The following SEL1L variants were observed in gnomAD, a reference collection of about 807,000 sequenced individuals.
SEL1L encodes the protein protein sel-1 homolog 1.
In SEL1L, 52 loss-of-function variants were observed where a neutral mutation model predicts 109.8. That is an observed-to-expected ratio of 0.47 (90% CI 0.38 to 0.60). The LOEUF is 0.60. Ranked by LOEUF, SEL1L falls within the 20% of genes least tolerant of loss-of-function variation. The pLI, the probability that SEL1L is intolerant of heterozygous loss-of-function variation, is 0.00. For missense variants in SEL1L, 749 were observed against 962.2 expected (o/e 0.78, Z 2.93); for synonymous variants, 373 against 339.6 (o/e 1.10, Z -1.08).
rs1332571045 is a variant in SEL1L, at chr14:81,476,598, A to G, written c.*374T>C. 5.5e-6 allele frequency: 1 copy of G among 180,220 alleles called. No individual in the cohort carries two copies. Among genetic ancestry groups the G allele is most frequent in the Non-Finnish European group, 1.2e-5 (1 of 84,868 alleles). The allele number at this position is 180,220 out of a possible 1,614,324, so 11.2% of individuals were successfully genotyped here. On this transcript the variant is annotated 3_prime_UTR_variant, in exon 21 of 21. Coordinates refer to ENST00000336735, the MANE Select transcript of SEL1L (RefSeq NM_005065.6). ...GATCAGTTTTTAGTGTCGATGCACA[A>G]TACCTTAAAGATGGTTGACATTAAG...
chr14:81,533,310 C>T (rs1885407175), intron 1 of SEL1L, among the ~76,000 whole-genome samples: 1 of 152,172 alleles, frequency 6.6e-6, no homozygotes, highest in Non-Finnish European at 1.5e-5. Flanking sequence ...TTACAATTCC[C>T]AAGCCCAGAG....
At chr14:81,499,903 C>CTTTT (rs67769195) in intron 6 of SEL1L, among the ~76,000 whole-genome samples, 19 of 119,184 alleles carry the variant, frequency 1.6e-4, no homozygotes, top group Non-Finnish European at 2.3e-4. Context: ...TTATTTGTGG[C>CTTTT]TTTTTTTTTT....
At chr14:81,533,293 A>G (rs1885406486) in intron 1 of SEL1L, among the ~76,000 whole-genome samples, 1 of 152,134 alleles carries the variant, frequency 6.6e-6, no homozygotes, top group Non-Finnish European at 1.5e-5. Context: ...TTTGTCAATT[A>G]TTTAACTTAC....
intron 3 of SEL1L, among the ~76,000 whole-genome samples, chr14:81,517,939 C>CT (rs201565822): frequency 0.012 from 1,732 of 148,910 alleles, 13 homozygotes; most frequent in East Asian, 0.036. Flanking sequence ...ACTTCTTCTT[C>CT]TTTTTTTTTG....
chr14:81,526,108 A>C (rs1885101921), intron 3 of SEL1L, among the ~76,000 whole-genome samples: 1 of 152,186 alleles, frequency 6.6e-6, no homozygotes, highest in Admixed American at 6.5e-5. Context: ...GTGATCATTG[A>C]AATAATAAAT....
At position 81,479,632 on chromosome 14, in the gene SEL1L, G is replaced by C. The variant is rs541438404; in HGVS notation, c.2155C>G (p.Gln719Glu). The C allele has an allele frequency of 2.7e-5, 43 of 1,613,068 alleles. No individual in the cohort carries two copies. In the South Asian group the frequency reaches 2.9e-4, roughly 11 times the overall value. ...LCKLGVVYFL[Q>E]YIRETNIRDM... ...CTTACGTTTGTTTCCCGTATGTACT[G>C]CAAGAAATAGACGACGCCCAATTTG... The change falls in exon 20 of 21, where the codon CAG becomes GAG. Residue 719 changes from glutamine (Q) to glutamate (E), a missense_variant. Coordinates refer to ENST00000336735, the MANE Select transcript of SEL1L (RefSeq NM_005065.6).
In SEL1L at chr14:81,479,526, T is replaced by G. The variant is rs753700553; in HGVS notation, c.2175+86A>C. 57 of 1,396,624 alleles carry G rather than the reference T, an allele frequency of 4.1e-5. 1 individual carries two copies. Among genetic ancestry groups the G allele is most frequent in the Non-Finnish European group, 5.5e-5 (57 of 1,027,124 alleles). The allele number at this position is 1,396,624 out of a possible 1,614,324, so 86.5% of individuals were successfully genotyped here. ...CGATACCTGCAGGACCACTCTTCCC[T>G]GTGCTTCTCAACTTTTGAAAAACAA... On this transcript the variant is annotated intron_variant, in intron 20 of 20. Transcript: ENST00000336735.
chr14:81,515,624 T>G (rs1595529836), intron 3 of SEL1L, among the ~76,000 whole-genome samples: 1 of 152,182 alleles, frequency 6.6e-6, no homozygotes, highest in East Asian at 1.9e-4. Context: ...CCATGAATTA[T>G]TCAATGATGT....
rs547233156 is a variant in SEL1L at position 81,497,934 on chromosome 14, T to C, written c.1086A>G (p.Gln362=). 87 of 1,614,116 alleles carry C rather than the reference T, an allele frequency of 5.4e-5. No homozygotes were observed. The South Asian group carries it at 8.0e-4, about 15-fold the overall frequency. ...NSGMLEEDLI[Q]YYQFLAEKGD... ...CTTTTTCAGCTAGGAACTGGTAATA[T>C]TGAATCAAATCTTCTTCTAGCATTC... The change falls in exon 10 of 21, where the codon CAA becomes CAG. Residue 362 remains glutamine, a synonymous_variant. Coordinates refer to ENST00000336735, the MANE Select transcript of SEL1L (RefSeq NM_005065.6).
At chr14:81,513,963 A>G (rs1409402590) in intron 3 of SEL1L, among the ~76,000 whole-genome samples, 1 of 151,864 alleles carries the variant, frequency 6.6e-6, no homozygotes, top group African/African-American at 2.4e-5. Flanking sequence ...ATCTATCCTG[A>G]CCCTTGCTTC....
intron 11 of SEL1L, among the ~76,000 whole-genome samples, chr14:81,493,034 C>T (rs993410577): frequency 6.6e-6 from 1 of 152,196 alleles, no homozygotes; most frequent in Non-Finnish European, 1.5e-5. Context: ...ACTTAAAAAT[C>T]ACTTAAGTAA....
At chr14:81,531,539 T>G (rs1455202227) in intron 1 of SEL1L, among the ~76,000 whole-genome samples, 1 of 152,194 alleles carries the variant, frequency 6.6e-6, no homozygotes, top group Non-Finnish European at 1.5e-5. Context: ...ACAACTTTAT[T>G]TAACACAGGG....
At chr14:81,485,357 C>T (rs1903485837) in intron 18 of SEL1L, among the ~76,000 whole-genome samples, 1 of 152,114 alleles carries the variant, frequency 6.6e-6, no homozygotes, top group Admixed American at 6.5e-5. Flanking sequence ...CTCACTGTAA[C>T]CTCTGCCTCC....
At chr14:81,527,050 T>C in intron 2 of SEL1L, 86 bp from the exon 3 acceptor site, 2 of 927,704 alleles carry the variant, frequency 2.2e-6, no homozygotes, top group South Asian at 1.4e-5. Context: ...AATCCAGATA[T>C]CACATCTCCT....
intron 20 of SEL1L, among the ~76,000 whole-genome samples, chr14:81,477,661 A>G (rs1235318331): frequency 6.6e-6 from 1 of 152,068 alleles, no homozygotes; most frequent in Non-Finnish European, 1.5e-5. Flanking sequence ...AAAAATACAA[A>G]AATTAACCAG....
intron 3 of SEL1L, among the ~76,000 whole-genome samples, chr14:81,506,646 G>A (rs954681306): frequency 6.6e-6 from 1 of 152,068 alleles, no homozygotes; most frequent in Non-Finnish European, 1.5e-5. Flanking sequence ...AGTTACAAAG[G>A]GCAAATGCTC....
chr14:81,501,193 G>A (rs1883991473), intron 6 of SEL1L, among the ~76,000 whole-genome samples: 2 of 152,184 alleles, frequency 1.3e-5, no homozygotes, highest in African/African-American at 4.8e-5. Context: ...ACTCAGAAAA[G>A]AGTGATGCCA....
At chr14:81,480,160 T>C (rs1903303015) in intron 19 of SEL1L, among the ~76,000 whole-genome samples, 1 of 152,124 alleles carries the variant, frequency 6.6e-6, no homozygotes, top group Non-Finnish European at 1.5e-5. Context: ...ACTCAAGATT[T>C]TACAACAGAT....
intron 4 of SEL1L, among the ~76,000 whole-genome samples, chr14:81,505,786 G>C (rs1884215957): frequency 6.6e-6 from 1 of 152,068 alleles, no homozygotes; most frequent in Non-Finnish European, 1.5e-5. Flanking sequence ...CCCCCAAAAT[G>C]TTTTATGTTT....
Sources: allele counts gnomAD v4.1 joint callset (sites outside exome capture counted in the v4.1 genomes callset), GRCh38; gene constraint gnomAD v4.1.1; transcripts MANE v1.5; gene names NCBI Gene and HGNC (gene_info 2026-07-23, HGNC 2026-07-21).